SLCO6A1: variants seen among roughly 807,000 people sequenced by gnomAD.
SLCO6A1 encodes cancer/testis antigen 48.
SLCO6A1 carries 65 observed loss-of-function variants against 72.7 expected under a neutral mutation model. The ratio of observed to expected loss-of-function variants is 0.89; its 90% CI spans 0.73 to 1.10. The LOEUF (loss-of-function observed/expected upper bound fraction) is 1.10, where lower values mean the gene tolerates loss of function less well. SLCO6A1 is among the 50% of genes least tolerant of loss of function. SLCO6A1 has a pLI of 0.00. For missense variants in SLCO6A1, 874 were observed against 872.6 expected (o/e 1.00, Z -0.02); for synonymous variants, 314 against 298.2 (o/e 1.05, Z -0.55).
chr5:102,489,240 A>T (rs1295189522), intron 1 of SLCO6A1, among the ~76,000 whole-genome samples: 1 of 152,192 alleles, frequency 6.6e-6, no homozygotes, highest in Non-Finnish European at 1.5e-5. Flanking sequence ...GCTTGCAAAC[A>T]TCTCTGGAGA....
chr5:102,377,107 T>G (rs1442960611), intron 12 of SLCO6A1, among the ~76,000 whole-genome samples: 2 of 152,148 alleles, frequency 1.3e-5, no homozygotes, highest in Non-Finnish European at 2.9e-5. Context: ...GAGGTTACAA[T>G]GACCCATGAT....
chr5:102,388,943 A>AATT, intron 11 of SLCO6A1, 118 bp from the exon 12 acceptor site: 1 of 861,786 alleles, frequency 1.2e-6, no homozygotes, highest in Non-Finnish European at 1.7e-6. Context: ...TATCACTTAA[A>AATT]ATTAGCTAAT....
intron 7 of SLCO6A1, among the ~76,000 whole-genome samples, chr5:102,436,537 A>G (rs1481138545): frequency 2.0e-5 from 3 of 152,218 alleles, no homozygotes; most frequent in East Asian, 3.8e-4. Flanking sequence ...GCATTCTTTT[A>G]TAACAGCTAA....
At chr5:102,434,361 C>T (rs1281824105) in intron 7 of SLCO6A1, among the ~76,000 whole-genome samples, 1 of 152,132 alleles carries the variant, frequency 6.6e-6, no homozygotes, top group East Asian at 1.9e-4. Flanking sequence ...CTATAAAAGA[C>T]CTGGGTTCCC....
At chr5:102,397,523 T>C (rs751545526) in intron 10 of SLCO6A1, among the ~76,000 whole-genome samples, 118 of 152,168 alleles carry the variant, frequency 7.8e-4, no homozygotes, top group Non-Finnish European at 1.4e-3. Context: ...GCAAAAGGTG[T>C]ATTTCCTGGC....
At chr5:102,434,543 G>A (rs1020922228) in intron 7 of SLCO6A1, among the ~76,000 whole-genome samples, 1 of 152,188 alleles carries the variant, frequency 6.6e-6, no homozygotes, top group African/African-American at 2.4e-5. Context: ...GAAGTTTGGT[G>A]TCTTCTTCCA....
intron 1 of SLCO6A1, among the ~76,000 whole-genome samples, chr5:102,495,073 T>C (rs917631669): frequency 6.6e-6 from 1 of 152,126 alleles, no homozygotes; most frequent in African/African-American, 2.4e-5. Context: ...AAGAGCAAAC[T>C]GTTAATACAC....
At chr5:102,395,021 T>C (rs1052724456) in intron 10 of SLCO6A1, among the ~76,000 whole-genome samples, 3 of 152,166 alleles carry the variant, frequency 2.0e-5, no homozygotes, top group Non-Finnish European at 4.4e-5. Context: ...CTACTTTTTT[T>C]TAATTATTGA....
chr5:102,391,373 T>G (rs1016346547), intron 10 of SLCO6A1: 14 of 240,072 alleles, frequency 5.8e-5, no homozygotes, highest in Non-Finnish European at 9.7e-5. Flanking sequence ...TTCTATCATG[T>G]ACACTCATTA....
At chr5:102,459,165 G>A (rs550646442) in intron 5 of SLCO6A1, among the ~76,000 whole-genome samples, 20 of 152,210 alleles carry the variant, frequency 1.3e-4, no homozygotes, top group Non-Finnish European at 2.2e-4. Flanking sequence ...ATCTCAACGC[G>A]TTGTGAAGCT....
intron 6 of SLCO6A1, among the ~76,000 whole-genome samples, chr5:102,456,140 G>A (rs904182525): frequency 6.6e-6 from 1 of 152,126 alleles, no homozygotes; most frequent in Admixed American, 6.5e-5. Flanking sequence ...CAAAACCACA[G>A]CCAATATCAT....
intron 7 of SLCO6A1, among the ~76,000 whole-genome samples, chr5:102,422,946 C>A (rs978066255): frequency 3.3e-5 from 5 of 152,112 alleles, no homozygotes; most frequent in African/African-American, 7.2e-5. Context: ...ACCCTACAAG[C>A]CAGAAGATAG....
chr5:102,482,886 C>T (rs1261282715), intron 1 of SLCO6A1, among the ~76,000 whole-genome samples: 2 of 152,100 alleles, frequency 1.3e-5, no homozygotes, highest in Admixed American at 6.6e-5. Context: ...CTATATAATA[C>T]CTGCCTCCAG....
chr5:102,496,799 G>A (rs1191802289), intron 1 of SLCO6A1, among the ~76,000 whole-genome samples: 1 of 152,122 alleles, frequency 6.6e-6, no homozygotes. Flanking sequence ...GTGCCTAGAT[G>A]AAACCATTAT....
At chr5:102,448,955 T>G (rs997348648) in intron 6 of SLCO6A1, among the ~76,000 whole-genome samples, 9 of 94,738 alleles carry the variant, frequency 9.5e-5, no homozygotes, top group Non-Finnish European at 2.3e-5. Context: ...TGTATTTGCT[T>G]TATAGTGTCA....
In SLCO6A1 at chr5:102,388,915, G is replaced by A. The variant is rs1193997584; in HGVS notation, c.1880-90C>T. The stretch of plus-strand genomic sequence containing the variant: ...CACACAGATAATATATATGAATGAC[G>A]ACTCATCATTCAAAACATATCACTT... On this transcript the variant is annotated intron_variant, in intron 11 of 13. Coordinates refer to ENST00000506729, the MANE Select transcript of SLCO6A1 (RefSeq NM_173488.5). 4.4e-6 allele frequency: 5 copies of A among 1,127,262 alleles called. No individual in the cohort carries two copies. In the African/African-American group the frequency reaches 6.5e-5, roughly 15 times the overall value. 69.8% of individuals were successfully genotyped at this position (1,127,262 alleles called of 1,614,324 possible).
intron 12 of SLCO6A1, among the ~76,000 whole-genome samples, chr5:102,384,742 T>C (rs1746311840): frequency 6.6e-6 from 1 of 152,126 alleles, no homozygotes; most frequent in African/African-American, 2.4e-5. Context: ...TAATCATCAC[T>C]ATTATAGTAA....
intron 6 of SLCO6A1, among the ~76,000 whole-genome samples, chr5:102,440,437 A>G (rs2112686226): frequency 6.6e-6 from 1 of 152,292 alleles, no homozygotes; most frequent in African/African-American, 2.4e-5. Flanking sequence ...TTTATCTGTC[A>G]CTATCTCCCA....
intron 9 of SLCO6A1, among the ~76,000 whole-genome samples, chr5:102,407,392 AC>A (rs1747728971): frequency 6.6e-6 from 1 of 152,126 alleles, no homozygotes; most frequent in Non-Finnish European, 1.5e-5. Context: ...AAGGAGCAAT[AC>A]CTCTCTGCTG....
Sources: allele counts gnomAD v4.1 joint callset (sites outside exome capture counted in the v4.1 genomes callset), GRCh38; gene constraint gnomAD v4.1.1; transcripts MANE v1.5; gene names NCBI Gene and HGNC (gene_info 2026-07-23, HGNC 2026-07-21).